Variants in TADA2A observed in about 807,000 individuals in gnomAD.
The protein encoded by TADA2A is transcriptional adaptor 2A.
Under a neutral mutation model 67.4 loss-of-function variants are expected in TADA2A, and 38 were observed. The observed-to-expected ratio is 0.56, with a 90% CI of 0.44 to 0.74. TADA2A has a LOEUF of 0.74. Among genes scored for constraint, TADA2A ranks in the 30% least tolerant of loss-of-function variants. TADA2A has a pLI of 0.00. For synonymous variants in TADA2A, 192 were observed against 181.6 expected, an observed-to-expected ratio of 1.06 and a Z score of -0.46; for missense variants, 454 against 547.0, an observed-to-expected ratio of 0.83 and a Z score of 1.70.
At chr17:37,444,113 C>T (rs1250965372) in intron 7 of TADA2A, among the ~76,000 whole-genome samples, 1 of 151,938 alleles carries the variant, frequency 6.6e-6, no homozygotes, top group African/African-American at 2.4e-5. Context: ...CAAAAATTAA[C>T]TTGAGTGTGA....
chr17:37,442,451 A>T lies in TADA2A; in HGVS notation c.443-113A>T, dbSNP rs183960581. 5.1e-5 allele frequency: 41 copies of T among 801,432 alleles called. No individual in the cohort carries two copies. In the East Asian group the frequency reaches 1.2e-3, roughly 24 times the overall value. The allele number at this position is 801,432 out of a possible 1,614,324, so 49.6% of individuals were successfully genotyped here. Reference sequence around the variant, plus strand: ...GTTTTCATAATACTTTATCTTTTTCACATTTCCTTTTATAAAAACCATTTT... The same window carrying T: ...GTTTTCATAATACTTTATCTTTTTCTCATTTCCTTTTATAAAAACCATTTT... On this transcript the variant is annotated intron_variant, in intron 6 of 15. Coordinates refer to ENST00000615182, the MANE Select transcript of TADA2A (RefSeq NM_001166105.3).
intron 8 of TADA2A, among the ~76,000 whole-genome samples, chr17:37,445,223 T>C (rs921384243): frequency 6.6e-6 from 1 of 152,180 alleles, no homozygotes; most frequent in Non-Finnish European, 1.5e-5. Flanking sequence ...ATGGGGAATT[T>C]CTTGTTTCTC....
At chr17:37,463,055 C>T (rs927702347) in intron 10 of TADA2A, among the ~76,000 whole-genome samples, 1 of 152,158 alleles carries the variant, frequency 6.6e-6, no homozygotes, top group East Asian at 1.9e-4. Context: ...TTGCTGCAGC[C>T]TTGAACTCCT....
chr17:37,446,377 T>A (rs2053082087), intron 8 of TADA2A, among the ~76,000 whole-genome samples: 2 of 152,170 alleles, frequency 1.3e-5, no homozygotes, highest in African/African-American at 4.8e-5. Flanking sequence ...ATGGTATTGT[T>A]TTCTGGCTTG....
chr17:37,445,457 G>C (rs1015828678), intron 8 of TADA2A, among the ~76,000 whole-genome samples: 8 of 152,084 alleles, frequency 5.3e-5, no homozygotes, highest in Non-Finnish European at 1.0e-4. Flanking sequence ...TTAGAGATGG[G>C]GTTTCGCCAT....
rs1163452719 is a variant in TADA2A at position 37,479,650 on chromosome 17, G to A, written c.*2668G>A. ...ACTGAAATTTTTATTGCAATTTAAC[G>A]TTAAAAGTTTCTGCTGGAGTTTTAT... On this transcript the variant is annotated 3_prime_UTR_variant, in exon 16 of 16. Coordinates refer to ENST00000615182, the MANE Select transcript of TADA2A (RefSeq NM_001166105.3). 1 of 152,092 alleles carries A rather than the reference G, an allele frequency of 6.6e-6. No homozygotes were observed. The highest frequency in any genetic ancestry group is 2.4e-5 in the African/African-American group (1 of 41,404). The allele number at this position is 152,092 out of a possible 1,614,324, so 9.4% of individuals were successfully genotyped here.
At chr17:37,469,526 C>T (rs1433006528) in intron 12 of TADA2A, among the ~76,000 whole-genome samples, 8 of 151,822 alleles carry the variant, frequency 5.3e-5, no homozygotes, top group South Asian at 2.1e-4. Context: ...CCAGCTACTC[C>T]GGAGGCTGAG....
chr17:37,413,039 G>T (rs971981987), intron 2 of TADA2A, among the ~76,000 whole-genome samples: 2 of 151,650 alleles, frequency 1.3e-5, no homozygotes, highest in East Asian at 2.0e-4. Context: ...GCAATTCTCC[G>T]TCTCAGCCTC....
Position 37,462,064 on chromosome 17 carries a change from G to T in TADA2A, c.669-14G>T. The T allele has an allele frequency of 6.4e-7, 1 of 1,556,760 alleles. No homozygotes were observed. Among genetic ancestry groups the T allele is most frequent in the Non-Finnish European group, 8.8e-7 (1 of 1,136,382 alleles). The stretch of plus-strand genomic sequence containing the variant: ...TAATTCTAATGCACAAATTATTGTG[G>T]CTTTTCATTCTAGAATTATAAGAGA... On this transcript the variant is annotated splice_polypyrimidine_tract_variant and intron_variant, in intron 9 of 15. Transcript: ENST00000615182.
At chr17:37,450,655 G>C (rs935522981) in intron 8 of TADA2A, 4 of 152,200 alleles carry the variant, frequency 2.6e-5, no homozygotes, top group Non-Finnish European at 5.9e-5. Context: ...AGGTGATTTT[G>C]GTTTGTTTGT....
chr17:37,460,210 G>A (rs143526012), intron 9 of TADA2A, among the ~76,000 whole-genome samples: 170 of 150,336 alleles, frequency 1.1e-3, no homozygotes, highest in African/African-American at 4.1e-3. Flanking sequence ...CACTGCACTC[G>A]GACTGTTAGG....
intron 1 of TADA2A, among the ~76,000 whole-genome samples, chr17:37,408,185 C>A (rs1428973549): frequency 6.6e-6 from 1 of 152,194 alleles, no homozygotes; most frequent in Non-Finnish European, 1.5e-5. Flanking sequence ...CCGCACCCGG[C>A]CTCCTACTGT....
At chr17:37,463,227 G>A (rs915162534) in intron 10 of TADA2A, among the ~76,000 whole-genome samples, 5 of 152,106 alleles carry the variant, frequency 3.3e-5, no homozygotes, top group Admixed American at 2.0e-4. Flanking sequence ...TAAGAAGGAT[G>A]ATGTCATAAT....
chr17:37,440,632 A>C lies in TADA2A; in HGVS notation c.412A>C (p.Lys138Gln). ...GAACCTGAAACAAGCAGAGGAAGCA[A>C]AAACTGCTGACACAGCCATTCCATT... ...LLNLKQAEEA[K>Q]TADTAIPFHS... Residue 138 changes from lysine to glutamine, a missense_variant, in exon 6 of 16, where the codon AAA becomes CAA. This residue lies in a region of TADA2A where 403 missense variants were observed against 455.5 expected (regional missense o/e 0.88). Transcript: ENST00000615182. The C allele has an allele frequency of 6.2e-7, 1 of 1,614,210 alleles. No homozygotes were observed. Among genetic ancestry groups the C allele is most frequent in the East Asian group, 2.2e-5 (1 of 44,890 alleles).
intron 1 of TADA2A, among the ~76,000 whole-genome samples, chr17:37,410,340 C>CTT (rs35659950): frequency 2.8e-5 from 4 of 142,390 alleles, no homozygotes; most frequent in South Asian, 2.3e-4. Flanking sequence ...ACCCGGCTAA[C>CTT]TTTTTTTTTT....
chr17:37,407,664 G>A (rs2051642100), intron 1 of TADA2A, among the ~76,000 whole-genome samples: 1 of 151,782 alleles, frequency 6.6e-6, no homozygotes, highest in Non-Finnish European at 1.5e-5. Flanking sequence ...CTGTACTGCA[G>A]TGCAGTGGCA....
At chr17:37,411,898 T>TA (rs2051885450) in intron 2 of TADA2A, among the ~76,000 whole-genome samples, 1 of 151,670 alleles carries the variant, frequency 6.6e-6, no homozygotes, top group Non-Finnish European at 1.5e-5. Flanking sequence ...GACACAAACA[T>TA]ATGACCCTGG....
intron 8 of TADA2A, among the ~76,000 whole-genome samples, chr17:37,445,455 G>A (rs1193485903): frequency 6.6e-6 from 1 of 152,074 alleles, no homozygotes; most frequent in Non-Finnish European, 1.5e-5. Context: ...TATTAGAGAT[G>A]GGGTTTCGCC....
At chr17:37,437,602 G>A (rs538690956) in intron 4 of TADA2A, 136 bp from the exon 5 acceptor site, 4 of 661,924 alleles carry the variant, frequency 6.0e-6, no homozygotes, top group South Asian at 3.6e-5. Context: ...GGCCAGGCTG[G>A]TCTCGAACTC....
Sources: allele counts gnomAD v4.1 joint callset (sites outside exome capture counted in the v4.1 genomes callset), GRCh38; gene constraint gnomAD v4.1.1; regional missense constraint gnomAD v4.1.1; transcripts MANE v1.5; gene names NCBI Gene and HGNC (gene_info 2026-07-23, HGNC 2026-07-21).